Variants in CFAP54 observed in about 807,000 individuals in gnomAD.
CFAP54 encodes cilia- and flagella-associated protein 54.
In CFAP54, 290 loss-of-function variants were observed where a neutral mutation model predicts 370.4. That is an observed-to-expected ratio of 0.78 (90% CI 0.71 to 0.86). The LOEUF (loss-of-function observed/expected upper bound fraction) is 0.86. CFAP54 is among the 40% of genes least tolerant of loss of function. The pLI, the probability that CFAP54 is intolerant of heterozygous loss-of-function variation, is 0.00. For synonymous variants in CFAP54, 1,206 were observed against 1,236.5 expected (o/e 0.98, Z 0.52); for missense variants, 3,399 against 3,528.7 (o/e 0.96, Z 0.93).
intron 26 of CFAP54, among the ~76,000 whole-genome samples, chr12:96,602,850 C>T (rs1956258880): frequency 6.6e-6 from 1 of 152,074 alleles, no homozygotes; most frequent in African/African-American, 2.4e-5. Context: ...CTATGTGTGT[C>T]TTTGCATGTA....
intron 39 of CFAP54, among the ~76,000 whole-genome samples, chr12:96,677,075 T>C (rs1294620608): frequency 7.4e-5 from 3 of 40,614 alleles, no homozygotes; most frequent in South Asian, 8.5e-4. Flanking sequence ...TGATCATAGC[T>C]CACTGTAGCC....
intron 50 of CFAP54, among the ~76,000 whole-genome samples, chr12:96,731,705 A>C (rs1957920398): frequency 6.6e-6 from 1 of 152,196 alleles, no homozygotes; most frequent in Non-Finnish European, 1.5e-5. Flanking sequence ...TTGTATAATA[A>C]AATGCTTCAA....
In CFAP54 at chr12:96,689,018, C is replaced by T. The variant is rs755357472; in HGVS notation, c.6081+36C>T. 3.1e-6 allele frequency: 4 copies of T among 1,290,482 alleles called. No individual in the cohort carries two copies. The East Asian group carries it at 1.1e-4, about 34-fold the overall frequency. 79.9% of individuals were successfully genotyped at this position (1,290,482 alleles called of 1,614,324 possible). A position where few individuals can be genotyped will look rare whatever the true frequency, so the allele number is the denominator to read the frequency against. ...ATGTATGTATGTTTTTCCATTGTAG[C>T]ACAACCATTCATTGGATCAGTAAAA... is the stretch of plus-strand genomic sequence containing the variant. On this transcript the variant is annotated intron_variant, in intron 43 of 67. Transcript: ENST00000524981.
intron 36 of CFAP54, among the ~76,000 whole-genome samples, chr12:96,657,257 A>G (rs1403597336): frequency 1.3e-5 from 2 of 152,238 alleles, no homozygotes; most frequent in African/African-American, 4.8e-5. Flanking sequence ...TAGGACATGC[A>G]CACTATTGGT....
chr12:96,820,021 G>T (rs1205499725), intron 65 of CFAP54, among the ~76,000 whole-genome samples: 1 of 152,006 alleles, frequency 6.6e-6, no homozygotes, highest in African/African-American at 2.4e-5. Flanking sequence ...AACATCTTTT[G>T]CATGCCTCCT....
chr12:96,572,796 C>G, intron 19 of CFAP54: 4 of 894,582 alleles, frequency 4.5e-6, no homozygotes, highest in Non-Finnish European at 5.4e-6. Context: ...AGAAATGGAG[C>G]CTTCTGATTT....
At chr12:96,833,955 T>C (rs966398817) in intron 66 of CFAP54, among the ~76,000 whole-genome samples, 8 of 152,156 alleles carry the variant, frequency 5.3e-5, no homozygotes, top group Non-Finnish European at 1.2e-4. Context: ...ATGAGGACAC[T>C]GATACATAGG....
intron 4 of CFAP54, among the ~76,000 whole-genome samples, chr12:96,507,849 A>G (rs978639770): frequency 2.0e-5 from 3 of 152,162 alleles, no homozygotes; most frequent in Non-Finnish European, 4.4e-5. Flanking sequence ...TTTGATTGAA[A>G]TCAGACTTTA....
intron 27 of CFAP54, among the ~76,000 whole-genome samples, chr12:96,621,968 C>T (rs1469378349): frequency 2.1e-5 from 3 of 143,872 alleles, no homozygotes; most frequent in Non-Finnish European, 4.5e-5. Flanking sequence ...TCCCCATCAC[C>T]AGTCCCGACC....
chr12:96,497,319 A>G (rs772841662), intron 1 of CFAP54, among the ~76,000 whole-genome samples: 2 of 152,236 alleles, frequency 1.3e-5, no homozygotes, highest in Non-Finnish European at 2.9e-5. Flanking sequence ...GAGACCCAAA[A>G]TAGCTAACAC....
chr12:96,568,075 G>GTAAT (rs1163002069), intron 19 of CFAP54, among the ~76,000 whole-genome samples: 1 of 151,118 alleles, frequency 6.6e-6, no homozygotes, highest in Non-Finnish European at 1.5e-5. Context: ...TCTATTAACT[G>GTAAT]TGTTAGCAGT....
At chr12:96,733,559 T>A (rs913766521) in intron 50 of CFAP54, among the ~76,000 whole-genome samples, 2 of 141,700 alleles carry the variant, frequency 1.4e-5, no homozygotes, top group Non-Finnish European at 3.1e-5. Context: ...TTTTTTTTTT[T>A]AATAAGTGTT....
At chr12:96,631,372 C>A (rs1956605825) in intron 32 of CFAP54, among the ~76,000 whole-genome samples, 1 of 151,792 alleles carries the variant, frequency 6.6e-6, no homozygotes, top group East Asian at 1.9e-4. Context: ...TAATACTATG[C>A]CAAAATTTCG....
At chr12:96,809,987 C>G (rs1958915353) in intron 63 of CFAP54, among the ~76,000 whole-genome samples, 1 of 152,136 alleles carries the variant, frequency 6.6e-6, no homozygotes, top group South Asian at 2.1e-4. Context: ...CGTCCCTTAG[C>G]ATAGATCCTC....
chr12:96,650,332 C>A (rs1956845045), intron 35 of CFAP54, among the ~76,000 whole-genome samples: 2 of 152,040 alleles, frequency 1.3e-5, no homozygotes, highest in Admixed American at 6.6e-5. Context: ...CCCAGGTGTT[C>A]TTTGTCCCTG....
chr12:96,849,403 C>T (rs1428195429), intron 66 of CFAP54, among the ~76,000 whole-genome samples: 1 of 152,150 alleles, frequency 6.6e-6, no homozygotes, highest in Non-Finnish European at 1.5e-5. Flanking sequence ...TTGGCTCCTC[C>T]ACCTCTATTC....
At chr12:96,587,469 T>C (rs1324352429) in intron 22 of CFAP54, among the ~76,000 whole-genome samples, 1 of 152,202 alleles carries the variant, frequency 6.6e-6, no homozygotes, top group African/African-American at 2.4e-5. Flanking sequence ...TTAGTGCTTC[T>C]TTCTCATTTT....
intron 32 of CFAP54, among the ~76,000 whole-genome samples, chr12:96,633,112 G>T (rs79830121): frequency 0.1 from 15,592 of 151,830 alleles, 958 homozygotes; most frequent in Middle Eastern, 0.17. Context: ...CAGTTTTTTT[G>T]TGTGTGTGTG....
At chr12:96,739,086 C>G (rs1235453815) in intron 50 of CFAP54, among the ~76,000 whole-genome samples, 2 of 152,136 alleles carry the variant, frequency 1.3e-5, no homozygotes, top group African/African-American at 4.8e-5. Context: ...ACTCATAACA[C>G]CTGTTAAATG....
Sources: allele counts gnomAD v4.1 joint callset (sites outside exome capture counted in the v4.1 genomes callset), GRCh38; gene constraint gnomAD v4.1.1; transcripts MANE v1.5; gene names NCBI Gene and HGNC (gene_info 2026-07-23, HGNC 2026-07-21).